The following SPECC1L variants were observed in gnomAD, a reference collection of about 807,000 sequenced individuals.
The protein encoded by SPECC1L is sperm antigen with calponin homology and coiled-coil domains 1 like.
In SPECC1L, 40 loss-of-function variants were observed where a neutral mutation model predicts 116.8. The observed-to-expected ratio is 0.34, with a 90% confidence interval of 0.27 to 0.45. The LOEUF is 0.45. SPECC1L is among the 20% of genes least tolerant of loss of function. SPECC1L has a pLI of 1.00. For synonymous variants in SPECC1L, 504 were observed against 500.6 expected, an observed-to-expected ratio of 1.01 and a Z score of -0.09; for missense variants, 1,110 against 1,373.6, an observed-to-expected ratio of 0.81 and a Z score of 3.03.
At chr22:24,406,093 C>A (rs2042586089) in intron 14 of SPECC1L, among the ~76,000 whole-genome samples, 1 of 152,134 alleles carries the variant, frequency 6.6e-6, no homozygotes, top group African/African-American at 2.4e-5. Context: ...GTGATTTTAG[C>A]CCTCCTGGGA....
chr22:24,327,901 A>G (rs2040862964), intron 6 of SPECC1L, among the ~76,000 whole-genome samples: 1 of 152,218 alleles, frequency 6.6e-6, no homozygotes, highest in African/African-American at 2.4e-5. Context: ...TGGAACACAC[A>G]CAACAGCCAG....
chr22:24,413,434 A>G (rs12160509), intron 16 of SPECC1L, among the ~76,000 whole-genome samples: 13 of 152,320 alleles, frequency 8.5e-5, no homozygotes, highest in Non-Finnish European at 1.2e-4. Flanking sequence ...GAGAGCCCAC[A>G]GGCCAGTCCA....
chr22:24,326,204 T>TA (rs1277890637), intron 6 of SPECC1L, among the ~76,000 whole-genome samples: 1 of 152,216 alleles, frequency 6.6e-6, no homozygotes. Context: ...CAGCAGATAT[T>TA]ACAGGCCTGT....
chr22:24,302,496 G>C, intron 3 of SPECC1L, 112 bp downstream of exon 3: 2 of 1,405,076 alleles, frequency 1.4e-6, no homozygotes, highest in Admixed American at 3.4e-5. Flanking sequence ...CTGGTGCTGG[G>C]AACACTTGGC....
chr22:24,329,418 G>A (rs1453622499), intron 7 of SPECC1L, among the ~76,000 whole-genome samples: 1 of 152,204 alleles, frequency 6.6e-6, no homozygotes, highest in African/African-American at 2.4e-5. Flanking sequence ...GTTATAAGGT[G>A]CCCCAAACTA....
intron 11 of SPECC1L, among the ~76,000 whole-genome samples, chr22:24,359,560 C>A (rs557937770): frequency 6.6e-6 from 1 of 152,088 alleles, no homozygotes; most frequent in Non-Finnish European, 1.5e-5. Context: ...GAATCTGTGT[C>A]CCTCACATTG....
At chr22:24,301,998 A>G (rs1026645428) in intron 2 of SPECC1L, among the ~76,000 whole-genome samples, 197 bp from the exon 3 acceptor site, 2 of 152,012 alleles carry the variant, frequency 1.3e-5, no homozygotes, top group African/African-American at 4.8e-5. Flanking sequence ...GTGAGCCGAG[A>G]TAGTGCCACT....
chr22:24,410,544 A>G (rs1469509462), intron 14 of SPECC1L, among the ~76,000 whole-genome samples: 1 of 152,272 alleles, frequency 6.6e-6, no homozygotes, highest in Non-Finnish European at 1.5e-5. Flanking sequence ...AGACCAATGC[A>G]CAGAGGATCG....
intron 2 of SPECC1L, among the ~76,000 whole-genome samples, chr22:24,298,305 C>T (rs542945913): frequency 3.3e-5 from 5 of 152,094 alleles, no homozygotes; most frequent in Admixed American, 3.3e-4. Flanking sequence ...TTTCAACTTA[C>T]GATATTTTTA....
At position 24,414,585 on chromosome 22, in the gene SPECC1L, C is replaced by T. The variant is rs1269474092; in HGVS notation, c.3316C>T (p.Leu1106=). ...ACGACCCGACTGGCAGAACGTGATG[C>T]TGTATGTGACGGCGATCTACAAGTA... ...TERPDWQNVM[L]YVTAIYKYFE... The change falls in exon 17 of 17, where the codon CTG becomes TTG. Residue 1106 remains leucine, a synonymous_variant. Transcript: ENST00000314328. 1 of 1,614,034 alleles carries T rather than the reference C, an allele frequency of 6.2e-7. No homozygotes were observed.
chr22:24,371,437 GC>G (rs2041868461), intron 14 of SPECC1L, among the ~76,000 whole-genome samples: 1 of 152,154 alleles, frequency 6.6e-6, no homozygotes. Context: ...GCATCGGGAG[GC>G]CCTATCTCTA....
chr22:24,412,760 G>C (rs1055104408), intron 16 of SPECC1L, 53 bp downstream of exon 16: 3 of 1,590,896 alleles, frequency 1.9e-6, no homozygotes, highest in Non-Finnish European at 2.6e-6. Context: ...TGGTTAAGAA[G>C]AGTTCAGTCC....
In SPECC1L at chr22:24,414,755, A is replaced by C; in HGVS notation, c.*132A>C. On this transcript the variant is annotated 3_prime_UTR_variant, in exon 17 of 17. Transcript: ENST00000314328. ...GCTGCCCCACAGCGTGTGAGCCTCC[A>C]GCTCGGGGCTTCCGTATTGGAAGAA... The C allele has an allele frequency of 1.3e-6, 1 of 754,766 alleles. No homozygotes were observed. The highest frequency in any genetic ancestry group is 2.7e-5 in the East Asian group (1 of 36,902). The allele number at this position is 754,766 out of a possible 1,614,324, so 46.8% of individuals were successfully genotyped here. A position where few individuals can be genotyped will look rare whatever the true frequency, so the allele number is the denominator to read the frequency against.
In SPECC1L at chr22:24,335,544, G is replaced by GT. The variant is rs893519517; in HGVS notation, c.2560+977dup. Among the ~76,000 whole-genome samples, 4 of 152,270 alleles carry GT rather than the reference G, an allele frequency of 2.6e-5. No individual in the cohort carries two copies. In the East Asian group the frequency reaches 7.7e-4, roughly 29 times the overall value. On this transcript the variant is annotated intron_variant, in intron 9 of 16. Coordinates refer to ENST00000314328, the MANE Select transcript of SPECC1L (RefSeq NM_015330.6). ...GCTCTGGGAAAGGAAAAGGGATGTG[G>GT]TTTTTTCAAACAGTTAATTGTAATA... is the stretch of plus-strand genomic sequence containing the variant.
At chr22:24,361,506 G>T (rs1052207914) in intron 11 of SPECC1L, among the ~76,000 whole-genome samples, 2 of 152,216 alleles carry the variant, frequency 1.3e-5, no homozygotes, top group Non-Finnish European at 2.9e-5. Context: ...ACAGAAACAA[G>T]CCTGGTGTGG....
chr22:24,319,768 G>A (rs1227012655), intron 4 of SPECC1L, among the ~76,000 whole-genome samples: 3 of 152,144 alleles, frequency 2.0e-5, no homozygotes, highest in Non-Finnish European at 4.4e-5. Flanking sequence ...TGTTCTGTTA[G>A]TGGCTATCTC....
At chr22:24,345,316 A>T (rs2041268853) in intron 10 of SPECC1L, among the ~76,000 whole-genome samples, 1 of 152,242 alleles carries the variant, frequency 6.6e-6, no homozygotes, top group Non-Finnish European at 1.5e-5. Context: ...TTTGAAATGG[A>T]CTATCAACCT....
chr22:24,347,742 CT>C (rs2041329745), intron 11 of SPECC1L, among the ~76,000 whole-genome samples: 1 of 152,054 alleles, frequency 6.6e-6, no homozygotes, highest in Admixed American at 6.6e-5. Context: ...GTGGCACAAT[CT>C]TGGCTCACTG....
At chr22:24,284,141 T>C (rs988257708) in intron 2 of SPECC1L, among the ~76,000 whole-genome samples, 1 of 152,188 alleles carries the variant, frequency 6.6e-6, no homozygotes, top group Admixed American at 6.5e-5. Flanking sequence ...TGCTCTTCTT[T>C]TTCATGTTTC....
Sources: gnomAD v4.1 joint callset for allele counts (sites outside exome capture counted in the v4.1 genomes callset) on GRCh38, gnomAD v4.1.1 for gene constraint, MANE v1.5 for transcripts, NCBI Gene and HGNC (gene_info 2026-07-23, HGNC 2026-07-21) for gene names.